Variants in EPHA6 observed in about 807,000 individuals in gnomAD.
EPHA6 encodes the protein ephrin type-A receptor 6.
EPHA6 carries 50 observed loss-of-function variants against 112.0 expected under a neutral mutation model. The ratio of observed to expected loss-of-function variants is 0.45; its 90% CI spans 0.36 to 0.56. The LOEUF (loss-of-function observed/expected upper bound fraction) is 0.56. EPHA6 is among the 20% of genes least tolerant of loss of function. EPHA6 has a pLI of 0.00. For synonymous variants in EPHA6, 529 were observed against 490.7 expected (o/e 1.08, Z -1.03); for missense variants, 1,280 against 1,417.4 (o/e 0.90, Z 1.56).
chr3:97,467,083 C>G (rs932183836), intron 7 of EPHA6, among the ~76,000 whole-genome samples: 45 of 151,784 alleles, frequency 3.0e-4, no homozygotes, highest in Non-Finnish European at 2.9e-5. Context: ...TTCTGTATTA[C>G]AACTATGATC....
intron 5 of EPHA6, among the ~76,000 whole-genome samples, chr3:97,318,279 A>G (rs146763646): frequency 9.2e-5 from 14 of 152,184 alleles, no homozygotes; most frequent in Non-Finnish European, 1.9e-4. Context: ...ATCTTCACTG[A>G]TGAAGAATTT....
chr3:97,264,032 G>T (rs2079589414), intron 5 of EPHA6, among the ~76,000 whole-genome samples: 1 of 152,168 alleles, frequency 6.6e-6, no homozygotes, highest in South Asian at 2.1e-4. Flanking sequence ...GAGCAAGATA[G>T]TAAATATTTT....
intron 3 of EPHA6, among the ~76,000 whole-genome samples, chr3:97,137,285 A>G (rs1165299179): frequency 2.0e-5 from 3 of 152,108 alleles, no homozygotes; most frequent in African/African-American, 7.2e-5. Context: ...TGGACCTTAG[A>G]GTCTGCCAAT....
intron 3 of EPHA6, among the ~76,000 whole-genome samples, chr3:97,223,046 AGAG>A (rs1209144811): frequency 6.6e-6 from 1 of 152,234 alleles, no homozygotes; most frequent in Non-Finnish European, 1.5e-5. Flanking sequence ...ACTTTTCAAC[AGAG>A]AAGAAGCCTT....
At chr3:97,420,858 AT>A (rs1268161656) in intron 6 of EPHA6, among the ~76,000 whole-genome samples, 2 of 151,550 alleles carry the variant, frequency 1.3e-5, no homozygotes, top group African/African-American at 2.4e-5. Context: ...AAAAAAAAAA[AT>A]AGGGCCAAAT....
chr3:97,587,016 G>A (rs1161512352), intron 11 of EPHA6, among the ~76,000 whole-genome samples: 2 of 152,162 alleles, frequency 1.3e-5, no homozygotes. Flanking sequence ...GCCGAGGTGG[G>A]CGGATCACCT....
chr3:97,690,082 G>C (rs985001844), intron 14 of EPHA6, among the ~76,000 whole-genome samples: 1 of 152,104 alleles, frequency 6.6e-6, no homozygotes, highest in Non-Finnish European at 1.5e-5. Flanking sequence ...GGATAATTTT[G>C]CTATTGATCT....
chr3:97,485,084 G>A (rs1449262203), intron 10 of EPHA6, among the ~76,000 whole-genome samples: 1 of 152,174 alleles, frequency 6.6e-6, no homozygotes, highest in Non-Finnish European at 1.5e-5. Context: ...ATCTTGATGG[G>A]GAACATAGGT....
chr3:97,537,139 A>C (rs1257276744), intron 11 of EPHA6, among the ~76,000 whole-genome samples: 14 of 152,206 alleles, frequency 9.2e-5, no homozygotes, highest in African/African-American at 2.4e-4. Context: ...TAATTTGTAA[A>C]GTAGAAAAGT....
chr3:97,734,733 G>A lies in EPHA6; in HGVS notation c.2935-1192G>A, dbSNP rs185094923. Among the ~76,000 whole-genome samples the A allele has an allele frequency of 2.6e-5, 4 of 152,094 alleles. No homozygotes were observed. In the East Asian group the frequency reaches 7.8e-4, roughly 30 times the overall value. ...TGTATTTTTGAGAGGGACAGAGGAG[G>A]GGGAAGTTAAATTTTGCCTGTCTTT... On this transcript the variant is annotated intron_variant, in intron 15 of 17. Coordinates refer to ENST00000389672, the MANE Select transcript of EPHA6 (RefSeq NM_001080448.3).
intron 5 of EPHA6, among the ~76,000 whole-genome samples, chr3:97,308,993 G>A (rs370938932): frequency 3.7e-4 from 56 of 151,588 alleles, no homozygotes; most frequent in African/African-American, 1.3e-3. Context: ...TTTTGCTTTT[G>A]TTATTTTCTA....
chr3:97,238,936 G>T (rs772111260), intron 4 of EPHA6, among the ~76,000 whole-genome samples: 2 of 151,818 alleles, frequency 1.3e-5, no homozygotes, highest in Non-Finnish European at 2.9e-5. Flanking sequence ...TGGTCTATTC[G>T]ATTTTTTGTT....
chr3:97,114,467 G>A (rs1282924443), intron 3 of EPHA6, among the ~76,000 whole-genome samples: 2 of 151,796 alleles, frequency 1.3e-5, no homozygotes, highest in Admixed American at 6.6e-5. Flanking sequence ...AAATCTTACC[G>A]CACTCAAGAA....
rs369268172 is a variant in EPHA6, at chr3:97,082,966, G to A, written c.1114+94973G>A. On this transcript the variant is annotated intron_variant, in intron 3 of 17. Transcript: ENST00000389672. ...TCTCATGCCACAGATATTTCAATTAGAAAATGCTTTGGCTTTATGATACAT... is the reference window on the plus strand; with the variant it reads ...TCTCATGCCACAGATATTTCAATTAAAAAATGCTTTGGCTTTATGATACAT... Among the ~76,000 whole-genome samples the A allele has an allele frequency of 2.6e-5, 4 of 151,728 alleles. No homozygotes were observed. In the East Asian group the frequency reaches 5.8e-4, roughly 22 times the overall value.
chr3:97,735,026 G>A (rs753967826), intron 15 of EPHA6, among the ~76,000 whole-genome samples: 6 of 151,854 alleles, frequency 4.0e-5, no homozygotes, highest in Admixed American at 3.9e-4. Context: ...TTAACTTTGG[G>A]ATCTTATACA....
intron 7 of EPHA6, among the ~76,000 whole-genome samples, chr3:97,459,975 A>C (rs2090830798): frequency 6.6e-6 from 1 of 152,230 alleles, no homozygotes; most frequent in African/African-American, 2.4e-5. Flanking sequence ...GAGCTAAGCC[A>C]TCCCAAGTCA....
intron 3 of EPHA6, among the ~76,000 whole-genome samples, chr3:97,221,308 C>CAA (rs57025573): frequency 0.014 from 231 of 16,404 alleles, 32 homozygotes; most frequent in Non-Finnish European, 0.028. Context: ...GACTCTGTCT[C>CAA]AAAAAAAAAA....
intron 13 of EPHA6, among the ~76,000 whole-genome samples, chr3:97,629,648 T>A (rs531071720): frequency 4.6e-5 from 7 of 152,132 alleles, no homozygotes; most frequent in Middle Eastern, 3.4e-3. Context: ...CCTGAACTCC[T>A]CTATGGTCAC....
chr3:97,495,772 G>GT (rs1560069497), intron 10 of EPHA6, among the ~76,000 whole-genome samples: 1 of 152,006 alleles, frequency 6.6e-6, no homozygotes, highest in African/African-American at 2.4e-5. Flanking sequence ...TGGTACAATT[G>GT]TTTTTTCATT....
Sources: gnomAD v4.1 joint callset for allele counts (sites outside exome capture counted in the v4.1 genomes callset) on GRCh38, gnomAD v4.1.1 for gene constraint, MANE v1.5 for transcripts, NCBI Gene and HGNC (gene_info 2026-07-23, HGNC 2026-07-21) for gene names.